The following MAP2 variants were observed in gnomAD, a reference collection of about 807,000 sequenced individuals.
The protein encoded by MAP2 is microtubule associated protein 2, also known as microtubule-associated protein 2.
Under a neutral mutation model 137.6 loss-of-function variants are expected in MAP2, and 14 were observed. That is an observed-to-expected ratio of 0.10 (90% CI 0.07 to 0.16). The LOEUF is 0.16. Among genes scored for constraint, MAP2 ranks in the 10% least tolerant of loss-of-function variants. The probability of loss-of-function intolerance (pLI) is 1.00; values close to 1 mark genes in which losing one functional copy is unlikely to be tolerated. For missense variants in MAP2, 2,088 were observed against 2,191.5 expected, an observed-to-expected ratio of 0.95 and a Z score of 0.94; for synonymous variants, 786 against 782.3, an observed-to-expected ratio of 1.00 and a Z score of -0.08.
rs1053316478 is a variant in MAP2, at chr2:209,683,458, C to T, written c.454+2631C>T. 1.1e-4 allele frequency among the ~76,000 whole-genome samples: 16 copies of T among 152,286 alleles called. No individual in the cohort carries two copies. The Middle Eastern group carries it at 0.01, about 98-fold the overall frequency. On this transcript the variant is annotated intron_variant, in intron 7 of 15. Coordinates refer to ENST00000682079, the MANE Select transcript of MAP2 (RefSeq NM_001375505.1). ...CTCTATAAAGACCAGATAATATTCT[C>T]ACCTTAAATATGTAAAAGATTTGTG...
chr2:209,540,097 T>TA (rs35280709), intron 2 of MAP2, among the ~76,000 whole-genome samples: 7,912 of 39,360 alleles, frequency 0.2, 1,702 homozygotes, highest in Non-Finnish European at 0.24. Context: ...GGAGACGTTG[T>TA]AAAAAAAAAA....
intron 1 of MAP2, among the ~76,000 whole-genome samples, chr2:209,459,416 C>T (rs1702248014): frequency 6.6e-6 from 1 of 152,150 alleles, no homozygotes; most frequent in African/African-American, 2.4e-5. Flanking sequence ...TTCTCCATAA[C>T]TGGGACCACT....
At chr2:209,685,177 T>C (rs1052721380) in intron 7 of MAP2, among the ~76,000 whole-genome samples, 18 of 152,188 alleles carry the variant, frequency 1.2e-4, no homozygotes, top group African/African-American at 3.9e-4. Context: ...ACTACATCCC[T>C]AAAGCTGTTT....
chr2:209,471,323 C>T (rs182923576), intron 1 of MAP2, among the ~76,000 whole-genome samples: 1 of 152,218 alleles, frequency 6.6e-6, no homozygotes, highest in East Asian at 1.9e-4. Context: ...TTATGTTAAA[C>T]CTATTAATAC....
chr2:209,633,639 G>A (rs2093304959), intron 4 of MAP2, among the ~76,000 whole-genome samples: 1 of 152,076 alleles, frequency 6.6e-6, no homozygotes, highest in Admixed American at 6.6e-5. Context: ...CTTTCGTGTG[G>A]TAGGGAAGGG....
rs77255100 is a variant in MAP2, at chr2:209,456,013, T to A, written c.-222+31737T>A. Among the ~76,000 whole-genome samples the A allele has an allele frequency of 9.2e-3, 1,407 of 152,264 alleles. 11 individuals are homozygous for A. The highest frequency in any genetic ancestry group is 0.013 in the Non-Finnish European group (890 of 68,016). On this transcript the variant is annotated intron_variant, in intron 1 of 15. Coordinates refer to ENST00000682079, the MANE Select transcript of MAP2 (RefSeq NM_001375505.1). ...AATGTACCCCAGTTTTACTGACAAC[T>A]CCTTAGGACTCAAGGTCAAAACCTC...
At chr2:209,498,168 G>A (rs1387328673) in intron 1 of MAP2, among the ~76,000 whole-genome samples, 1 of 152,202 alleles carries the variant, frequency 6.6e-6, no homozygotes, top group East Asian at 1.9e-4. Context: ...ATTGGCCAAA[G>A]GAAAGGGGCT....
At chr2:209,565,304 A>G (rs1578406721) in intron 2 of MAP2, among the ~76,000 whole-genome samples, 1 of 151,996 alleles carries the variant, frequency 6.6e-6, no homozygotes, top group Admixed American at 6.6e-5. Flanking sequence ...TGTAGCCTCA[A>G]CCTTTTGGGT....
At chr2:209,699,786 A>G (rs975136250) in intron 10 of MAP2, among the ~76,000 whole-genome samples, 1 of 152,228 alleles carries the variant, frequency 6.6e-6, no homozygotes, top group African/African-American at 2.4e-5. Flanking sequence ...TTAGCTGATC[A>G]TGACAGTTTG....
At position 209,507,626 on chromosome 2, in the gene MAP2, T is replaced by G. The variant is rs1297160349; in HGVS notation, c.-187T>G. ...ATCTAATCCAAAGTATCTTATAACTTCTGGCTGGAATTAAGGTCAGTACTA... is the reference window on the plus strand; with the variant it reads ...ATCTAATCCAAAGTATCTTATAACTGCTGGCTGGAATTAAGGTCAGTACTA... On this transcript the variant is annotated 5_prime_UTR_variant, in exon 2 of 16. Transcript: ENST00000682079. 1 of 152,158 alleles carries G rather than the reference T, an allele frequency of 6.6e-6. No homozygotes were observed. The highest frequency in any genetic ancestry group is 1.5e-5 in the Non-Finnish European group (1 of 68,016). The allele number at this position is 152,158 out of a possible 1,614,324, so 9.4% of individuals were successfully genotyped here.
intron 3 of MAP2, among the ~76,000 whole-genome samples, chr2:209,622,267 T>G (rs2091377537): frequency 6.6e-6 from 1 of 152,198 alleles, no homozygotes; most frequent in Non-Finnish European, 1.5e-5. Flanking sequence ...AATTAAAAGT[T>G]GCCATCAGTG....
chr2:209,465,550 T>G (rs1016052198), intron 1 of MAP2, among the ~76,000 whole-genome samples: 6 of 152,126 alleles, frequency 3.9e-5, no homozygotes, highest in Non-Finnish European at 8.8e-5. Flanking sequence ...CTGTATAGAG[T>G]GAGAACATGT....
intron 1 of MAP2, among the ~76,000 whole-genome samples, chr2:209,436,590 A>G (rs1696357956): frequency 1.3e-5 from 2 of 151,790 alleles, no homozygotes; most frequent in Non-Finnish European, 1.5e-5. Flanking sequence ...CTGTTAAAAG[A>G]TAACAAATAC....
At position 209,534,227 on chromosome 2, in the gene MAP2, G is replaced by T. The variant is rs368890700; in HGVS notation, c.-172+26586G>T. 1.9e-4 allele frequency among the ~76,000 whole-genome samples: 29 copies of T among 152,316 alleles called. 2 individuals are homozygous for T. Among genetic ancestry groups the T allele is most frequent in the East Asian group, 1.5e-3 (8 of 5,182 alleles). On this transcript the variant is annotated intron_variant, in intron 2 of 15. Coordinates refer to ENST00000682079, the MANE Select transcript of MAP2 (RefSeq NM_001375505.1). ...CCAGCACTGGCTAATCTATCTCCTG[G>T]TGTTATCTTGTTTAGCCCTTACAAC...
intron 13 of MAP2, among the ~76,000 whole-genome samples, chr2:209,720,535 A>C (rs1365703759): frequency 6.6e-6 from 1 of 151,258 alleles, no homozygotes; most frequent in Non-Finnish European, 1.5e-5. Flanking sequence ...GCTACTCAGG[A>C]AGCTGAGGCA....
intron 2 of MAP2, among the ~76,000 whole-genome samples, chr2:209,509,790 C>T (rs1003869841): frequency 2.6e-5 from 4 of 151,538 alleles, no homozygotes; most frequent in African/African-American, 4.8e-5. Context: ...AGAAAGCTAC[C>T]GATAGGGGTA....
intron 3 of MAP2, among the ~76,000 whole-genome samples, chr2:209,593,640 TATA>T (rs2080071440): frequency 5.1e-4 from 9 of 17,588 alleles, no homozygotes; most frequent in African/African-American, 1.5e-3. Context: ...AAAAAATATA[TATA>T]TATATATATA....
rs145081211 is a variant in MAP2, at chr2:209,733,209, G to A, written c.*2812G>A. ...ACTTCTCCAGTGAACTCAACCTCTGGGTCACTTGCAACCAGAAATTGGATA... is the reference window on the plus strand; with the variant it reads ...ACTTCTCCAGTGAACTCAACCTCTGAGTCACTTGCAACCAGAAATTGGATA... On this transcript the variant is annotated 3_prime_UTR_variant, in exon 16 of 16. Transcript: ENST00000682079. 2.6e-5 allele frequency: 4 copies of A among 152,642 alleles called. No individual in the cohort carries two copies. The East Asian group carries it at 7.7e-4, about 29-fold the overall frequency. 9.5% of individuals were successfully genotyped at this position (152,642 alleles called of 1,614,324 possible). A position where few individuals can be genotyped will look rare whatever the true frequency, so the allele number is the denominator to read the frequency against.
chr2:209,690,790 T>A (rs1342647319), intron 7 of MAP2: 4 of 1,289,566 alleles, frequency 3.1e-6, no homozygotes, highest in Non-Finnish European at 4.0e-6. Flanking sequence ...ATGAGAAAAG[T>A]GTAAAAGAGG....
Sources: allele counts gnomAD v4.1 joint callset (sites outside exome capture counted in the v4.1 genomes callset), GRCh38; gene constraint gnomAD v4.1.1; transcripts MANE v1.5; gene names NCBI Gene and HGNC (gene_info 2026-07-23, HGNC 2026-07-21).